Variants in PDE4B observed in about 807,000 individuals in gnomAD.
PDE4B encodes the protein 3',5'-cyclic-AMP phosphodiesterase 4B.
PDE4B carries 20 observed loss-of-function variants against 82.2 expected under a neutral mutation model. That is an observed-to-expected ratio of 0.24 (90% CI 0.17 to 0.35). The LOEUF (loss-of-function observed/expected upper bound fraction) is 0.35, where lower values mean the gene tolerates loss of function less well. Ranked by LOEUF, PDE4B falls within the 10% of genes least tolerant of loss-of-function variation. The pLI, the probability that PDE4B is intolerant of heterozygous loss-of-function variation, is 1.00. For missense variants in PDE4B, 655 were observed against 907.2 expected (o/e 0.72, Z 3.57); for synonymous variants, 320 against 318.9 (o/e 1.00, Z -0.04).
In PDE4B at chr1:66,180,859, A is replaced by G. The variant is rs1344695867; in HGVS notation, c.282-66601A>G. On this transcript the variant is annotated intron_variant, in intron 3 of 16. Transcript: ENST00000341517. ...AGAGAGAATGTGTGTATGTGTGTCC[A>G]CTATCTAGCACTGTGCCTGGCACTG... 2.6e-5 allele frequency among the ~76,000 whole-genome samples: 4 copies of G among 152,314 alleles called. No homozygotes were observed. In the East Asian group the frequency reaches 7.7e-4, roughly 29 times the overall value.
chr1:66,116,953 G>A lies in PDE4B; in HGVS notation c.282-130507G>A, dbSNP rs1001483958. 3.9e-5 allele frequency among the ~76,000 whole-genome samples: 6 copies of A among 152,052 alleles called. No homozygotes were observed. In the East Asian group the frequency reaches 9.6e-4, roughly 24 times the overall value. On this transcript the variant is annotated intron_variant, in intron 3 of 16. Transcript: ENST00000341517. The stretch of plus-strand genomic sequence containing the variant: ...CACCTGGCTGAGTCCATCTCTGCCC[G>A]CCCTCATTATTTGCCACCCCTCCAA...
At chr1:65,837,029 C>G (rs1646147760) in intron 1 of PDE4B, among the ~76,000 whole-genome samples, 1 of 151,776 alleles carries the variant, frequency 6.6e-6, no homozygotes, top group Non-Finnish European at 1.5e-5. Context: ...ATAATATAAA[C>G]AGATCAACTG....
chr1:66,076,043 T>C (rs1207895181), intron 3 of PDE4B, among the ~76,000 whole-genome samples: 1 of 151,984 alleles, frequency 6.6e-6, no homozygotes, highest in Non-Finnish European at 1.5e-5. Context: ...CTTCTAACTT[T>C]TGTTATAGGT....
intron 3 of PDE4B, among the ~76,000 whole-genome samples, chr1:66,131,639 T>TATATATATATA (rs1645953170): frequency 7.2e-5 from 2 of 27,958 alleles, no homozygotes; most frequent in Non-Finnish European, 1.1e-4. Context: ...ATATATATAT[T>TATATATATATA]ACTAACCAGG....
intron 3 of PDE4B, among the ~76,000 whole-genome samples, chr1:66,144,626 T>G (rs897652722): frequency 2.0e-5 from 3 of 152,174 alleles, no homozygotes; most frequent in Non-Finnish European, 4.4e-5. Flanking sequence ...ATTTTCAGAT[T>G]AAGGAGGCTC....
chr1:66,143,123 C>T (rs1646205052), intron 3 of PDE4B, among the ~76,000 whole-genome samples: 3 of 152,164 alleles, frequency 2.0e-5, no homozygotes, highest in Admixed American at 2.0e-4. Flanking sequence ...CAGTTTAGTT[C>T]AAAAGATGCT....
chr1:66,224,156 C>T (rs1651231677), intron 3 of PDE4B, among the ~76,000 whole-genome samples: 1 of 144,942 alleles, frequency 6.9e-6, no homozygotes, highest in Admixed American at 6.8e-5. Flanking sequence ...CAGCGCATCT[C>T]TTTCCACTGC....
chr1:66,341,679 C>T (rs978395876), intron 8 of PDE4B, among the ~76,000 whole-genome samples: 1 of 152,118 alleles, frequency 6.6e-6, no homozygotes, highest in Non-Finnish European at 1.5e-5. Context: ...TAACTTCTTT[C>T]TATTTCTTTC....
chr1:66,089,986 C>T (rs1644978201), intron 3 of PDE4B, among the ~76,000 whole-genome samples: 1 of 151,964 alleles, frequency 6.6e-6, no homozygotes, highest in Non-Finnish European at 1.5e-5. Flanking sequence ...AAAAATATCT[C>T]CTATACCCTT....
chr1:66,011,726 TA>T (rs1652497882), intron 3 of PDE4B, among the ~76,000 whole-genome samples: 1 of 152,126 alleles, frequency 6.6e-6, no homozygotes, highest in Non-Finnish European at 1.5e-5. Context: ...TTTCGGTCCT[TA>T]TTTTGCCACT....
At chr1:66,156,234 G>C (rs1356113347) in intron 3 of PDE4B, among the ~76,000 whole-genome samples, 2 of 152,130 alleles carry the variant, frequency 1.3e-5, no homozygotes, top group Non-Finnish European at 2.9e-5. Flanking sequence ...GAGTTCATTG[G>C]TACATGAACA....
intron 7 of PDE4B, among the ~76,000 whole-genome samples, chr1:66,286,441 A>C (rs1453536081): frequency 6.6e-6 from 1 of 152,106 alleles, no homozygotes; most frequent in Non-Finnish European, 1.5e-5. Flanking sequence ...TTTTTCCTGC[A>C]TTACTTTCTA....
intron 7 of PDE4B, among the ~76,000 whole-genome samples, chr1:66,268,408 G>A (rs1176139735): frequency 6.6e-6 from 1 of 152,040 alleles, no homozygotes; most frequent in Admixed American, 6.5e-5. Flanking sequence ...GGTGGCTCAT[G>A]CCTGTAATCC....
At chr1:66,200,723 T>C (rs1218785722) in intron 3 of PDE4B, among the ~76,000 whole-genome samples, 1 of 152,198 alleles carries the variant, frequency 6.6e-6, no homozygotes, top group Non-Finnish European at 1.5e-5. Context: ...CTGAAGTTGC[T>C]TATCAGCTTA....
At chr1:66,142,661 G>A (rs1296072368) in intron 3 of PDE4B, among the ~76,000 whole-genome samples, 1 of 152,152 alleles carries the variant, frequency 6.6e-6, no homozygotes, top group Admixed American at 6.5e-5. Flanking sequence ...AGGAAATAAA[G>A]TTGTTGTGTG....
At chr1:65,907,662 G>A (rs530082052) in intron 1 of PDE4B, among the ~76,000 whole-genome samples, 24 of 152,124 alleles carry the variant, frequency 1.6e-4, no homozygotes, top group Non-Finnish European at 3.1e-4. Context: ...GAGGTTCTTA[G>A]ACGTTTATAC....
chr1:66,270,334 A>G (rs749326946), intron 7 of PDE4B, among the ~76,000 whole-genome samples: 1 of 152,158 alleles, frequency 6.6e-6, no homozygotes, highest in Non-Finnish European at 1.5e-5. Flanking sequence ...TTGGAAACCT[A>G]TTTCTCCATA....
chr1:66,033,212 CCTAGA>C, intron 3 of PDE4B, among the ~76,000 whole-genome samples: 3 of 151,748 alleles, frequency 2.0e-5, no homozygotes, highest in Non-Finnish European at 4.4e-5. Context: ...GCCTTCTATC[CCTAGA>C]AGTCACTTTA....
rs762645648 is a variant in PDE4B, at chr1:66,257,651, G to T, written c.481G>T (p.Gly161Cys). ...RNSSLPSEQH[G>C]DDLIVTPFAQ... is the part of the protein sequence containing the mutation. ...CTTTTTTTCTCTTTTCACCAGACACGGCGATGACTTGATTGTAACTCCTTT... is the reference window on the plus strand; with the variant it reads ...CTTTTTTTCTCTTTTCACCAGACACTGCGATGACTTGATTGTAACTCCTTT... Residue 161 changes from glycine (G) to cysteine (C), a missense_variant, in exon 5 of 17, where the codon GGC becomes TGC. Transcript: ENST00000341517. 1 of 1,613,376 alleles carries T rather than the reference G, an allele frequency of 6.2e-7. No homozygotes were observed. The highest frequency in any genetic ancestry group is 1.1e-5 in the South Asian group (1 of 91,046).
Sources: allele counts gnomAD v4.1 joint callset (sites outside exome capture counted in the v4.1 genomes callset), GRCh38; gene constraint gnomAD v4.1.1; transcripts MANE v1.5; gene names NCBI Gene and HGNC (gene_info 2026-07-23, HGNC 2026-07-21).